The following PDLIM1 variants were observed in gnomAD, a reference collection of about 807,000 sequenced individuals.
PDLIM1 encodes PDZ and LIM domain protein 1.
In PDLIM1, 25 loss-of-function variants were observed where a neutral mutation model predicts 35.2. The ratio of observed to expected loss-of-function variants is 0.71; its 90% CI spans 0.52 to 0.99. The LOEUF (loss-of-function observed/expected upper bound fraction) is 0.99. Among genes scored for constraint, PDLIM1 ranks in the 50% least tolerant of loss-of-function variants. PDLIM1 has a pLI of 0.00. For synonymous variants in PDLIM1, 152 were observed against 154.0 expected, an observed-to-expected ratio of 0.99 and a Z score of 0.10; for missense variants, 363 against 415.3, an observed-to-expected ratio of 0.87 and a Z score of 1.09.
intron 4 of PDLIM1, 187 bp from the exon 5 acceptor site, chr10:95,247,553 T>C (rs961709710): frequency 7.8e-6 from 4 of 510,254 alleles, no homozygotes; most frequent in South Asian, 3.6e-5. Flanking sequence ...TAGTCAGAGC[T>C]GGCTGCTGCT....
intron 1 of PDLIM1, among the ~76,000 whole-genome samples, chr10:95,287,916 A>C (rs2035616635): frequency 6.6e-6 from 1 of 151,098 alleles, no homozygotes; most frequent in African/African-American, 2.4e-5. Flanking sequence ...GAAGCTGTTC[A>C]CACACACACA....
chr10:95,248,255 G>GT (rs1432047101), intron 4 of PDLIM1, among the ~76,000 whole-genome samples: 1 of 152,150 alleles, frequency 6.6e-6, no homozygotes, highest in Non-Finnish European at 1.5e-5. Context: ...GATATTTTTT[G>GT]TTTTTTAGAG....
At chr10:95,275,968 A>G (rs1422355746) in intron 1 of PDLIM1, among the ~76,000 whole-genome samples, 2 of 152,226 alleles carry the variant, frequency 1.3e-5, no homozygotes, top group African/African-American at 4.8e-5. Context: ...ATAGGACTTG[A>G]AAGAAATTAC....
intron 4 of PDLIM1, among the ~76,000 whole-genome samples, chr10:95,258,161 A>G (rs2035332442): frequency 6.6e-6 from 1 of 152,102 alleles, no homozygotes; most frequent in East Asian, 1.9e-4. Flanking sequence ...ACAACATGGG[A>G]AAGATTTGAC....
intron 4 of PDLIM1, among the ~76,000 whole-genome samples, chr10:95,253,630 T>G (rs974842320): frequency 1.6e-4 from 23 of 147,110 alleles, no homozygotes; most frequent in Non-Finnish European, 1.2e-4. Flanking sequence ...TAGTCCAACC[T>G]GGGTGACAAG....
chr10:95,248,907 A>T (rs1425813249), intron 4 of PDLIM1, among the ~76,000 whole-genome samples: 1 of 151,998 alleles, frequency 6.6e-6, no homozygotes, highest in Admixed American at 6.5e-5. Context: ...GCTCAAGTGC[A>T]CTCCTCAGAG....
At chr10:95,269,294 G>A (rs186165117) in intron 2 of PDLIM1, among the ~76,000 whole-genome samples, 1 of 152,174 alleles carries the variant, frequency 6.6e-6, no homozygotes, top group Non-Finnish European at 1.5e-5. Context: ...CCTCTTGGCC[G>A]GGCGTGGTGG....
chr10:95,283,486 T>C (rs1260130326), intron 1 of PDLIM1, among the ~76,000 whole-genome samples: 1 of 152,194 alleles, frequency 6.6e-6, no homozygotes, highest in Non-Finnish European at 1.5e-5. Flanking sequence ...ACAGTAAAAA[T>C]AAGGCAGAAA....
chr10:95,281,995 T>A (rs1564606588), intron 1 of PDLIM1, among the ~76,000 whole-genome samples: 1 of 152,220 alleles, frequency 6.6e-6, no homozygotes, highest in East Asian at 1.9e-4. Flanking sequence ...TTAAATATTG[T>A]AAATGTGTAA....
chr10:95,256,330 GA>G (rs1167587742), intron 4 of PDLIM1, among the ~76,000 whole-genome samples: 2 of 151,792 alleles, frequency 1.3e-5, no homozygotes, highest in African/African-American at 4.8e-5. Context: ...ATTTTTTGCA[GA>G]TAAAAAAACA....
At chr10:95,252,952 G>A (rs1488752853) in intron 4 of PDLIM1, among the ~76,000 whole-genome samples, 1 of 152,040 alleles carries the variant, frequency 6.6e-6, no homozygotes, top group Admixed American at 6.6e-5. Flanking sequence ...AGAGAAAAAA[G>A]GTGGAACTAG....
chr10:95,259,457 C>G (rs1433978418), intron 4 of PDLIM1, among the ~76,000 whole-genome samples: 1 of 152,100 alleles, frequency 6.6e-6, no homozygotes, highest in Non-Finnish European at 1.5e-5. Context: ...CACCCAAAAA[C>G]GCCATTCTGG....
chr10:95,289,782 T>A (rs1178310487), intron 1 of PDLIM1, among the ~76,000 whole-genome samples: 1 of 152,236 alleles, frequency 6.6e-6, no homozygotes, highest in Non-Finnish European at 1.5e-5. Context: ...AAGAATGGAA[T>A]GTGCCGCCTA....
At position 95,248,646 on chromosome 10, in the gene PDLIM1, A is replaced by G. The variant is rs77293000; in HGVS notation, c.534-1280T>C. On this transcript the variant is annotated intron_variant, in intron 4 of 6. Coordinates refer to ENST00000329399, the MANE Select transcript of PDLIM1 (RefSeq NM_020992.4). ...AAATATTTAGTTTTAATACTAAAAT[A>G]TATGTTTAATCAAATTCAACTTTTT... 2.0e-3 allele frequency among the ~76,000 whole-genome samples: 311 copies of G among 152,380 alleles called. 1 individual carries two copies. Among genetic ancestry groups the G allele is most frequent in the African/African-American group, 7.0e-3 (292 of 41,590 alleles).
At chr10:95,244,436 G>T (rs1258263170) in intron 5 of PDLIM1, among the ~76,000 whole-genome samples, 1 of 152,214 alleles carries the variant, frequency 6.6e-6, no homozygotes, top group Non-Finnish European at 1.5e-5. Flanking sequence ...AGCTTAGAAA[G>T]GCAAGCAACT....
At chr10:95,269,523 G>T (rs1459571282) in intron 2 of PDLIM1, among the ~76,000 whole-genome samples, 1 of 144,672 alleles carries the variant, frequency 6.9e-6, no homozygotes, top group Non-Finnish European at 1.5e-5. Context: ...AGTGAGCTGA[G>T]ATAGCACCAC....
At chr10:95,254,262 T>C (rs1197217002) in intron 4 of PDLIM1, among the ~76,000 whole-genome samples, 1 of 152,160 alleles carries the variant, frequency 6.6e-6, no homozygotes, top group Non-Finnish European at 1.5e-5. Context: ...CCAATATTAA[T>C]GTATAAGCAG....
intron 2 of PDLIM1, 102 bp downstream of exon 2, chr10:95,271,531 G>A: frequency 2.1e-6 from 2 of 957,930 alleles, no homozygotes; most frequent in Non-Finnish European, 3.1e-6. Context: ...ACATGGCACT[G>A]AGCTAGGAGG....
At chr10:95,262,344 A>T (rs1045887405) in intron 4 of PDLIM1, among the ~76,000 whole-genome samples, 1 of 152,232 alleles carries the variant, frequency 6.6e-6, no homozygotes, top group Non-Finnish European at 1.5e-5. Flanking sequence ...CTTCAGAGGC[A>T]ATACAAAAAT....
Sources: allele counts gnomAD v4.1 joint callset (sites outside exome capture counted in the v4.1 genomes callset), GRCh38; gene constraint gnomAD v4.1.1; transcripts MANE v1.5; gene names NCBI Gene and HGNC (gene_info 2026-07-23, HGNC 2026-07-21).